The following CASP8 variants were observed in gnomAD, a reference collection of about 807,000 sequenced individuals.
CASP8 encodes caspase-8.
In CASP8, 24 loss-of-function variants were observed where a neutral mutation model predicts 46.3. The observed-to-expected ratio is 0.52, with a 90% CI of 0.38 to 0.73. The LOEUF (loss-of-function observed/expected upper bound fraction) is 0.73. Among genes scored for constraint, CASP8 ranks in the 30% least tolerant of loss-of-function variants. The pLI, the probability that CASP8 is intolerant of heterozygous loss-of-function variation, is 0.00. For synonymous variants in CASP8, 188 were observed against 200.4 expected (o/e 0.94, Z 0.52); for missense variants, 460 against 559.0 (o/e 0.82, Z 1.79).
intron 2 of CASP8, among the ~76,000 whole-genome samples, chr2:201,237,115 G>C (rs1337690483): frequency 8.6e-6 from 1 of 115,720 alleles, no homozygotes; most frequent in Non-Finnish European, 1.6e-5. Context: ...TTTTGAGACA[G>C]AGTCTTGCTG....
chr2:201,276,177 C>T (rs1195277491), intron 6 of CASP8, among the ~76,000 whole-genome samples: 4 of 152,090 alleles, frequency 2.6e-5, no homozygotes, highest in African/African-American at 4.8e-5. Flanking sequence ...TAGGACACAG[C>T]GCCATCCCTG....
At chr2:201,276,664 G>C (rs1948649818) in intron 6 of CASP8, among the ~76,000 whole-genome samples, 163 bp from the exon 7 acceptor site, 1 of 152,204 alleles carries the variant, frequency 6.6e-6, no homozygotes. Context: ...AAGTCTGAGA[G>C]GTCCTGTGTG....
chr2:201,245,352 T>C (rs1043852961), intron 2 of CASP8, among the ~76,000 whole-genome samples: 6 of 152,262 alleles, frequency 3.9e-5, no homozygotes, highest in African/African-American at 1.4e-4. Flanking sequence ...GTGATTCTTA[T>C]GCCTCAGCCT....
upstream of CASP8, among the ~76,000 whole-genome samples, chr2:201,256,398 G>A (rs1018236652): frequency 1.3e-5 from 2 of 152,242 alleles, no homozygotes. Flanking sequence ...CTGTTCAGAA[G>A]TGGAAATGAG....
chr2:201,268,723 G>A (rs375691834), intron 2 of CASP8, among the ~76,000 whole-genome samples: 32 of 152,308 alleles, frequency 2.1e-4, no homozygotes, highest in Middle Eastern at 3.4e-3. Flanking sequence ...AAGAGGCTCC[G>A]AGGAATAATC....
At chr2:201,239,044 A>G (rs1946180304) in intron 2 of CASP8, among the ~76,000 whole-genome samples, 1 of 152,164 alleles carries the variant, frequency 6.6e-6, no homozygotes, top group Non-Finnish European at 1.5e-5. Flanking sequence ...TTCAACCCTG[A>G]GTGGATACAG....
chr2:201,272,946 A>G lies in CASP8; in HGVS notation c.595+4A>G. 6.2e-7 allele frequency: 1 copy of G among 1,612,922 alleles called. No homozygotes were observed. The highest frequency in any genetic ancestry group is 8.5e-7 in the Non-Finnish European group (1 of 1,178,984). On this transcript the variant is annotated splice_donor_region_variant and intron_variant, in intron 5 of 8. Transcript: ENST00000673742. This position sits in a 1 kb window ranked among gnomAD's most constrained non-coding sequence, Gnocchi z 4.4. The stretch of plus-strand genomic sequence containing the variant: ...AGTCCTGATGAATTTTCAAATGGTA[A>G]TGCTTGGAGATACATTTTCAAGATT...
At chr2:201,277,663 G>A in intron 7 of CASP8, 1 of 422,344 alleles carries the variant, frequency 2.4e-6, no homozygotes, top group Non-Finnish European at 4.6e-6. Flanking sequence ...AATGTAGACT[G>A]ATTATAATCA....
chr2:201,277,628 C>T (rs1948718957), intron 7 of CASP8: 2 of 367,364 alleles, frequency 5.4e-6, no homozygotes, highest in Non-Finnish European at 1.0e-5. Flanking sequence ...ATTTGTTTTG[C>T]AAATGGAGGT....
intron 5 of CASP8, 104 bp downstream of exon 5, chr2:201,273,046 G>T: frequency 1.1e-6 from 1 of 908,058 alleles, no homozygotes. Flanking sequence ...TAACGTGCCT[G>T]CTCTACTTTT....
intron 2 of CASP8, chr2:201,269,496 T>G: frequency 6.2e-7 from 1 of 1,603,708 alleles, no homozygotes. Context: ...GCCCACCATC[T>G]TGGTCCTTTG....
intron 2 of CASP8, among the ~76,000 whole-genome samples, chr2:201,239,905 C>T (rs1946232400): frequency 6.6e-6 from 1 of 152,208 alleles, no homozygotes; most frequent in Non-Finnish European, 1.5e-5. Flanking sequence ...TGAGATCTGG[C>T]TCTCTTTTGC....
chr2:201,261,530 T>C (rs1947409017), intron 1 of CASP8, among the ~76,000 whole-genome samples: 1 of 152,206 alleles, frequency 6.6e-6, no homozygotes. Context: ...TTTCATTCTG[T>C]TTGAAAATGA....
chr2:201,246,585 A>G (rs1946530823), intron 2 of CASP8, among the ~76,000 whole-genome samples: 1 of 152,142 alleles, frequency 6.6e-6, no homozygotes, highest in Non-Finnish European at 1.5e-5. Context: ...GGAAATCTGG[A>G]AGTTGGACTA....
chr2:201,281,843 T>A (rs1390721580), intron 7 of CASP8: 4 of 1,464,544 alleles, frequency 2.7e-6, no homozygotes, highest in Non-Finnish European at 3.6e-6. Flanking sequence ...GGTTTGAGAA[T>A]GTTTTTAGCT....
intron 7 of CASP8, among the ~76,000 whole-genome samples, 176 bp from the exon 8 acceptor site, chr2:201,284,640 T>C (rs1368105730): frequency 2.5e-5 from 1 of 40,752 alleles, no homozygotes; most frequent in African/African-American, 1.1e-4. Context: ...CCGTCCAGCT[T>C]TGGCTCGGCA....
chr2:201,258,561 C>T (rs3769822), upstream of CASP8, among the ~76,000 whole-genome samples: 3 of 152,300 alleles, frequency 2.0e-5, no homozygotes, highest in East Asian at 1.9e-4. Flanking sequence ...GAGCCGTTGC[C>T]TCTGACTTTG....
upstream of CASP8, among the ~76,000 whole-genome samples, chr2:201,257,645 G>A (rs1396371183): frequency 6.6e-6 from 1 of 152,150 alleles, no homozygotes; most frequent in African/African-American, 2.4e-5. Context: ...GAGCAGGGCT[G>A]AGCCGAGCAG....
At chr2:201,279,123 A>T (rs938059907) in intron 7 of CASP8, among the ~76,000 whole-genome samples, 1 of 152,224 alleles carries the variant, frequency 6.6e-6, no homozygotes, top group African/African-American at 2.4e-5. Context: ...GGAAGTACAA[A>T]GTGTAGGTGA....
Sources: gnomAD v4.1 joint callset for allele counts (sites outside exome capture counted in the v4.1 genomes callset) on GRCh38, gnomAD v4.1.1 for gene constraint, Gnocchi (gnomAD v3.1) non-coding constraint, MANE v1.5 for transcripts, NCBI Gene and HGNC (gene_info 2026-07-23, HGNC 2026-07-21) for gene names.